KLHL2: variants seen among roughly 807,000 people sequenced by gnomAD.
KLHL2 encodes kelch like family member 2.
KLHL2 carries 15 observed loss-of-function variants against 75.8 expected under a neutral mutation model. The ratio of observed to expected loss-of-function variants is 0.20; its 90% CI spans 0.13 to 0.30. The LOEUF (loss-of-function observed/expected upper bound fraction) is 0.30, where lower values mean the gene tolerates loss of function less well. Ranked by LOEUF, KLHL2 falls within the 10% of genes least tolerant of loss-of-function variation. The pLI, the probability that KLHL2 is intolerant of heterozygous loss-of-function variation, is 1.00. For synonymous variants in KLHL2, 214 were observed against 251.9 expected (o/e 0.85, Z 1.42); for missense variants, 381 against 741.0 (o/e 0.51, Z 5.64).
chr4:165,315,679 A>C (rs1445408536), intron 13 of KLHL2, among the ~76,000 whole-genome samples: 1 of 152,202 alleles, frequency 6.6e-6, no homozygotes, highest in African/African-American at 2.4e-5. Context: ...TATTCCTGAT[A>C]ATCTGAAACA....
Position 165,319,853 on chromosome 4 carries a change from A to G in KLHL2, c.1753+1884A>G, listed in dbSNP as rs1432408115. 6.6e-6 allele frequency among the ~76,000 whole-genome samples: 1 copy of G among 152,070 alleles called. No individual in the cohort carries two copies. Among genetic ancestry groups the G allele is most frequent in the Non-Finnish European group, 1.5e-5 (1 of 68,012 alleles). ...GGTTTTGGTTTTTGGTGGGTGCAGG[A>G]TTGCTGTAAGAAAGGCATACCTGTC... is the stretch of plus-strand genomic sequence containing the variant. On this transcript the variant is annotated intron_variant, in intron 14 of 14. Transcript: ENST00000226725. The surrounding 1 kb of genome is among the most constrained non-coding windows in gnomAD (Gnocchi z 4.5).
intron 4 of KLHL2, among the ~76,000 whole-genome samples, chr4:165,246,672 T>C (rs898918669): frequency 6.6e-6 from 1 of 152,206 alleles, no homozygotes; most frequent in African/African-American, 2.4e-5. Flanking sequence ...GGGTGGATTA[T>C]AGTGCTGTTG....
chr4:165,298,896 C>G (rs1262581625), intron 7 of KLHL2, among the ~76,000 whole-genome samples: 1 of 151,916 alleles, frequency 6.6e-6, no homozygotes, highest in Non-Finnish European at 1.5e-5. Context: ...TACCACTGAA[C>G]TCCAGCCCGG....
chr4:165,294,369 T>C lies in KLHL2; in HGVS notation c.555T>C (p.Phe185=). 6.3e-7 allele frequency: 1 copy of C among 1,595,754 alleles called. No individual in the cohort carries two copies. Among genetic ancestry groups the C allele is most frequent in the South Asian group, 1.1e-5 (1 of 90,540 alleles). ...TTAATTCCCAAACAGAGCAACATTT[T>C]GCAGATGTTGTACTTAGTGAAGAAT... The part of the protein sequence containing the change: ...NKANTYAEQH[F]ADVVLSEEFL... Residue 185 remains phenylalanine, a synonymous_variant, in exon 6 of 15, where the codon TTT becomes TTC. Transcript: ENST00000226725.
intron 4 of KLHL2, among the ~76,000 whole-genome samples, chr4:165,256,134 A>G (rs1350641983): frequency 6.6e-6 from 1 of 152,062 alleles, no homozygotes; most frequent in Non-Finnish European, 1.5e-5. Context: ...TGAGAGTGTC[A>G]CACAGATGCT....
intron 5 of KLHL2, among the ~76,000 whole-genome samples, chr4:165,274,540 C>T (rs529055577): frequency 3.3e-5 from 5 of 149,262 alleles, no homozygotes; most frequent in African/African-American, 7.4e-5. Flanking sequence ...ACCCGGGAGG[C>T]GGAGCTTGCA....
At chr4:165,215,243 C>T (rs1737462495) in intron 1 of KLHL2, among the ~76,000 whole-genome samples, 3 of 152,086 alleles carry the variant, frequency 2.0e-5, no homozygotes, top group Admixed American at 2.0e-4. Flanking sequence ...CCTTCACAGC[C>T]TCTAAGTAAT....
chr4:165,277,673 T>C (rs921609881), intron 5 of KLHL2: 3 of 490,048 alleles, frequency 6.1e-6, no homozygotes, highest in Non-Finnish European at 1.1e-5. Context: ...TTAGAGGGAA[T>C]GGAGCAGGAT....
intron 5 of KLHL2, among the ~76,000 whole-genome samples, chr4:165,265,565 T>C (rs1742176651): frequency 6.6e-6 from 1 of 152,032 alleles, no homozygotes; most frequent in Admixed American, 6.6e-5. Flanking sequence ...TGGTGAGAGA[T>C]AGGGATCTCT....
At chr4:165,253,057 A>G (rs1275840174) in intron 4 of KLHL2, among the ~76,000 whole-genome samples, 2 of 152,150 alleles carry the variant, frequency 1.3e-5, no homozygotes, top group Admixed American at 1.3e-4. Context: ...TTTGAGACGG[A>G]GTCTCGCTCT....
At chr4:165,240,963 A>C (rs1411036447) in intron 4 of KLHL2, among the ~76,000 whole-genome samples, 1 of 152,298 alleles carries the variant, frequency 6.6e-6, no homozygotes. Context: ...CAGTCCTGAA[A>C]TATTAGTCAT....
At chr4:165,213,165 C>T (rs370520444) in intron 1 of KLHL2, among the ~76,000 whole-genome samples, 4 of 152,322 alleles carry the variant, frequency 2.6e-5, no homozygotes, top group Admixed American at 6.5e-5. Flanking sequence ...GTCTTGGTTT[C>T]AAGTGTCCAT....
intron 5 of KLHL2, among the ~76,000 whole-genome samples, chr4:165,272,319 A>C (rs1359904592): frequency 6.6e-6 from 1 of 152,156 alleles, no homozygotes; most frequent in Non-Finnish European, 1.5e-5. Flanking sequence ...CATTTTATGA[A>C]AAACCAAAGA....
chr4:165,234,065 A>G (rs1427063505), intron 3 of KLHL2, among the ~76,000 whole-genome samples: 4 of 152,242 alleles, frequency 2.6e-5, no homozygotes, highest in African/African-American at 9.6e-5. Context: ...TCTGTCTTTT[A>G]GGAGCTAAGA....
At chr4:165,311,841 GTGTGTT>G (rs910284051) in intron 11 of KLHL2, among the ~76,000 whole-genome samples, 6 of 146,626 alleles carry the variant, frequency 4.1e-5, no homozygotes, top group Admixed American at 3.4e-4. Flanking sequence ...GTGTGTGTGT[GTGTGTT>G]TGACTTATAT....
intron 8 of KLHL2, among the ~76,000 whole-genome samples, chr4:165,302,674 G>A (rs1199679575): frequency 6.6e-6 from 1 of 151,906 alleles, no homozygotes; most frequent in Non-Finnish European, 1.5e-5. Flanking sequence ...TATAAGGGCT[G>A]TCATATTTCT....
At chr4:165,310,882 T>A in intron 10 of KLHL2, 132 bp downstream of exon 10, 58 of 647,568 alleles carry the variant, frequency 9.0e-5, no homozygotes, top group Non-Finnish European at 1.5e-4. Flanking sequence ...TGAGATGGAG[T>A]CTTGCTCCGT....
At chr4:165,308,690 A>G (rs1745917075) in intron 9 of KLHL2, among the ~76,000 whole-genome samples, 1 of 152,186 alleles carries the variant, frequency 6.6e-6, no homozygotes, top group South Asian at 2.1e-4. Flanking sequence ...TTGTAGTGTT[A>G]TTTTGTGGGT....
chr4:165,264,742 A>ATATG (rs1742081134), intron 5 of KLHL2, among the ~76,000 whole-genome samples: 1 of 66,704 alleles, frequency 1.5e-5, no homozygotes, highest in South Asian at 4.1e-4. Flanking sequence ...ATATATATGT[A>ATATG]TATATATATA....
Sources: allele counts gnomAD v4.1 joint callset (sites outside exome capture counted in the v4.1 genomes callset), GRCh38; gene constraint gnomAD v4.1.1; non-coding constraint Gnocchi (gnomAD v3.1); transcripts MANE v1.5; gene names NCBI Gene and HGNC (gene_info 2026-07-23, HGNC 2026-07-21).